Variants in MEF2C observed in about 807,000 individuals in gnomAD.
MEF2C encodes the protein myocyte enhancer factor 2C.
MEF2C carries 6 observed loss-of-function variants against 50.5 expected under a neutral mutation model. The ratio of observed to expected loss-of-function variants is 0.12; its 90% confidence interval spans 0.07 to 0.23. The LOEUF is 0.23. MEF2C is among the 10% of genes least tolerant of loss of function. The pLI is 1.00. For synonymous variants in MEF2C, 183 were observed against 228.0 expected (o/e 0.80, Z 1.78); for missense variants, 276 against 605.0 (o/e 0.46, Z 5.70).
At chr5:88,850,776 A>T (rs1821039753) in intron 1 of MEF2C, among the ~76,000 whole-genome samples, 2 of 152,012 alleles carry the variant, frequency 1.3e-5, no homozygotes, top group Admixed American at 1.3e-4. Flanking sequence ...ATATATGTAC[A>T]GTTGACCCTT....
At chr5:88,835,004 A>G (rs896012928) in intron 1 of MEF2C, among the ~76,000 whole-genome samples, 1 of 152,206 alleles carries the variant, frequency 6.6e-6, no homozygotes, top group Non-Finnish European at 1.5e-5. Context: ...CTAGGAATAT[A>G]GCATAATGCA....
chr5:88,727,090 T>A (rs1291198951), intron 10 of MEF2C, among the ~76,000 whole-genome samples: 1 of 152,164 alleles, frequency 6.6e-6, no homozygotes, highest in Admixed American at 6.6e-5. Context: ...TATGTATACA[T>A]GTACATATTT....
At chr5:88,834,059 CT>C (rs1814078601) in intron 1 of MEF2C, among the ~76,000 whole-genome samples, 1 of 151,096 alleles carries the variant, frequency 6.6e-6, no homozygotes, top group African/African-American at 2.5e-5. Flanking sequence ...AACAAGAGAC[CT>C]CTCCATGACT....
chr5:88,839,177 T>G (rs1357708624), intron 1 of MEF2C: 1 of 152,176 alleles, frequency 6.6e-6, no homozygotes, highest in Non-Finnish European at 1.5e-5. Context: ...TTTTTCCTAC[T>G]TTCATAGGCA....
intron 6 of MEF2C, chr5:88,736,745 T>C: frequency 1.0e-6 from 1 of 985,344 alleles, no homozygotes; most frequent in Non-Finnish European, 1.2e-6. Flanking sequence ...CACAGTTGAG[T>C]CAGTGCCCTG....
intron 3 of MEF2C, among the ~76,000 whole-genome samples, chr5:88,764,897 G>T (rs549259479): frequency 6.7e-6 from 1 of 148,638 alleles, no homozygotes; most frequent in South Asian, 2.2e-4. Context: ...CTAAAATATT[G>T]ATTTTCTTAG....
intron 1 of MEF2C, among the ~76,000 whole-genome samples, chr5:88,872,185 A>G (rs1008916372): frequency 6.6e-6 from 1 of 152,080 alleles, no homozygotes; most frequent in Non-Finnish European, 1.5e-5. Flanking sequence ...AAAAACACCT[A>G]GAACTCTTGG....
chr5:88,865,065 T>TA (rs1232763873), intron 1 of MEF2C, among the ~76,000 whole-genome samples: 27 of 148,992 alleles, frequency 1.8e-4, no homozygotes, highest in East Asian at 1.2e-3. Flanking sequence ...CCTGGCCATT[T>TA]AAAAAAAAAA....
In MEF2C at chr5:88,761,269, G is replaced by A. The variant is rs760986750; in HGVS notation, c.318C>T (p.Ser106=). 8 of 1,613,988 alleles carry A rather than the reference G, an allele frequency of 5.0e-6. No homozygotes were observed. Among genetic ancestry groups the A allele is most frequent in the South Asian group, 1.1e-5 (1 of 91,082 alleles). Residue 106 remains serine, a synonymous_variant, in exon 4 of 11, where the codon TCC becomes TCT. Transcript: ENST00000504921. ...CCTCAGACTCAGGGCTGTGACCTACGGAATCGTCCGCATCGGGGTCTGGGC... is the reference window on the plus strand; with the variant it reads ...CCTCAGACTCAGGGCTGTGACCTACAGAATCGTCCGCATCGGGGTCTGGGC... ...CDSPDPDADD[S]VGHSPESEDK... is the part of the protein sequence containing the mutation.
At chr5:88,796,809 T>G (rs1424123769) in intron 3 of MEF2C, among the ~76,000 whole-genome samples, 1 of 152,226 alleles carries the variant, frequency 6.6e-6, no homozygotes, top group Non-Finnish European at 1.5e-5. Flanking sequence ...GTCTCTGAGA[T>G]TCTGGTACAC....
intron 6 of MEF2C, among the ~76,000 whole-genome samples, chr5:88,745,233 C>T (rs1348782754): frequency 6.6e-6 from 1 of 152,180 alleles, no homozygotes; most frequent in African/African-American, 2.4e-5. Flanking sequence ...GAGTTTGCCT[C>T]CACAGAGCTG....
At position 88,877,580 on chromosome 5, in the gene MEF2C, A is replaced by T. The variant is rs910746657; in HGVS notation, c.-143+5375T>A. ...TTAATTATTTTTCTTTCACAGACAAAAATAACAAAAGAACATCAATGCCAT... is the reference window on the plus strand; with the variant it reads ...TTAATTATTTTTCTTTCACAGACAATAATAACAAAAGAACATCAATGCCAT... On this transcript the variant is annotated intron_variant, in intron 1 of 10. Coordinates refer to ENST00000504921, the MANE Select transcript of MEF2C (RefSeq NM_002397.5). Among the ~76,000 whole-genome samples, 4 of 152,156 alleles carry T rather than the reference A, an allele frequency of 2.6e-5. No individual in the cohort carries two copies. In the East Asian group the frequency reaches 7.7e-4, roughly 29 times the overall value.
At position 88,843,322 on chromosome 5, in the gene MEF2C, T is replaced by C. The variant is rs1025438934; in HGVS notation, c.-142-19392A>G. The C allele has an allele frequency of 5.1e-6, 5 of 984,650 alleles. No homozygotes were observed. In the East Asian group the frequency reaches 3.4e-4, roughly 67 times the overall value. The allele number at this position is 984,650 out of a possible 1,614,324, so 61.0% of individuals were successfully genotyped here. On this transcript the variant is annotated intron_variant, in intron 1 of 10. Transcript: ENST00000504921. ...AGACATGTTACATCACGTAAAATAT[T>C]GTTTGTGTGTTATTTAAATTTGGTT...
chr5:88,839,410 AG>A (rs1816505100), intron 1 of MEF2C: 1 of 151,772 alleles, frequency 6.6e-6, no homozygotes, highest in Non-Finnish European at 1.5e-5. Context: ...TTCAGATGCT[AG>A]GCAGTTGATG....
At chr5:88,878,373 A>G (rs770187223) in intron 1 of MEF2C, among the ~76,000 whole-genome samples, 5 of 151,998 alleles carry the variant, frequency 3.3e-5, no homozygotes, top group Non-Finnish European at 5.9e-5. Flanking sequence ...TTTCATAAGT[A>G]TATTGGATAA....
intron 6 of MEF2C, chr5:88,743,238 A>T: frequency 1.0e-6 from 1 of 983,914 alleles, no homozygotes; most frequent in Non-Finnish European, 1.2e-6. Context: ...TTGCAATCTT[A>T]AGTTATGTTT....
chr5:88,819,356 T>G, intron 2 of MEF2C: 1 of 985,204 alleles, frequency 1.0e-6, no homozygotes, highest in Non-Finnish European at 1.2e-6. Flanking sequence ...TGTACAATCT[T>G]GAGCCAGTTA....
intron 3 of MEF2C, among the ~76,000 whole-genome samples, chr5:88,774,573 C>T (rs1038295137): frequency 3.3e-5 from 5 of 152,104 alleles, no homozygotes; most frequent in Non-Finnish European, 7.4e-5. Flanking sequence ...CTGCCCGCCT[C>T]GGCCTCCCAA....
In MEF2C at chr5:88,757,948, AGG is replaced by A. The variant is rs546416832; in HGVS notation, c.402+3235_402+3236del. Among the ~76,000 whole-genome samples, 838 of 152,122 alleles carry A rather than the reference AGG, an allele frequency of 5.5e-3. 8 individuals are homozygous for A. The highest frequency in any genetic ancestry group is 0.019 in the African/African-American group (790 of 41,492). On this transcript the variant is annotated intron_variant, in intron 4 of 10. Coordinates refer to ENST00000504921, the MANE Select transcript of MEF2C (RefSeq NM_002397.5). The stretch of plus-strand genomic sequence containing the variant: ...AAAAAATAAAAATAAAATAAAATAG[AGG>A]TCATTATATGGTCACCTACTCAGCG...
Sources: gnomAD v4.1 joint callset for allele counts (sites outside exome capture counted in the v4.1 genomes callset) on GRCh38, gnomAD v4.1.1 for gene constraint, MANE v1.5 for transcripts, NCBI Gene and HGNC (gene_info 2026-07-23, HGNC 2026-07-21) for gene names.